ITGAE: variants seen among roughly 807,000 people sequenced by gnomAD.
The protein encoded by ITGAE is integrin alpha-E.
Under a neutral mutation model 136.5 loss-of-function variants are expected in ITGAE, and 99 were observed. The ratio of observed to expected loss-of-function variants is 0.73; its 90% CI spans 0.62 to 0.86. The LOEUF is 0.86. Among genes scored for constraint, ITGAE ranks in the 40% least tolerant of loss-of-function variants. The pLI, the probability that ITGAE is intolerant of heterozygous loss-of-function variation, is 0.00. For missense variants in ITGAE, 1,447 were observed against 1,515.3 expected (o/e 0.95, Z 0.75); for synonymous variants, 613 against 591.8 (o/e 1.04, Z -0.52).
At chr17:3,789,848 G>A (rs931417188) in intron 1 of ITGAE, among the ~76,000 whole-genome samples, 5 of 152,160 alleles carry the variant, frequency 3.3e-5, no homozygotes, top group Non-Finnish European at 7.3e-5. Context: ...AAAATGGCAT[G>A]AAAAACGTCT....
At chr17:3,734,977 C>T (rs2051429697) in intron 20 of ITGAE, 28 bp from the exon 21 acceptor site, 1 of 1,613,072 alleles carries the variant, frequency 6.2e-7, no homozygotes, top group Non-Finnish European at 8.5e-7. Flanking sequence ...AAAAATGTTA[C>T]AGTTTATTTC....
intron 1 of ITGAE, among the ~76,000 whole-genome samples, chr17:3,792,901 G>C (rs2143486497): frequency 6.6e-6 from 1 of 152,282 alleles, no homozygotes; most frequent in Non-Finnish European, 1.5e-5. Flanking sequence ...AGGGTCCTTT[G>C]TGAGAACACA....
intron 2 of ITGAE, among the ~76,000 whole-genome samples, chr17:3,772,691 T>C (rs28478385): frequency 0.1 from 15,364 of 152,096 alleles, 2,521 homozygotes; most frequent in African/African-American, 0.35. Flanking sequence ...CTCAAACTCC[T>C]GACCTCAAAT....
At position 3,760,283 on chromosome 17, in the gene ITGAE, G is replaced by A. The variant is rs200296046; in HGVS notation, c.603C>T (p.Thr201=). The change falls in exon 7 of 31, where the codon ACC becomes ACT. Residue 201 remains threonine (T), a synonymous_variant. Transcript: ENST00000263087. ...AGCCATCCAGGATGATGGCAATCTC[G>A]GTGCCTGGCCAAGACAAACAGGTCA... The part of the protein sequence containing the change: ...EEDEEEEEAG[T]EIAIILDGSG... The A allele has an allele frequency of 1.7e-5, 28 of 1,608,536 alleles. No homozygotes were observed. Among genetic ancestry groups the A allele is most frequent in the Admixed American group, 6.7e-5 (4 of 59,894 alleles).
At chr17:3,771,851 C>T (rs2052431804) in intron 2 of ITGAE, among the ~76,000 whole-genome samples, 1 of 152,142 alleles carries the variant, frequency 6.6e-6, no homozygotes. Flanking sequence ...GTGCATTCTT[C>T]TGTATGGCAC....
chr17:3,767,381 A>G (rs1043389609), intron 2 of ITGAE, among the ~76,000 whole-genome samples: 1 of 151,898 alleles, frequency 6.6e-6, no homozygotes, highest in Non-Finnish European at 1.5e-5. Context: ...TACAGGTGTG[A>G]GCCACCACAC....
chr17:3,732,451 T>C lies in ITGAE; in HGVS notation c.2671A>G (p.Ile891Val). 1 of 1,614,054 alleles carries C rather than the reference T, an allele frequency of 6.2e-7. No individual in the cohort carries two copies. The highest frequency in any genetic ancestry group is 2.2e-5 in the East Asian group (1 of 44,890). Residue 891 changes from isoleucine (I) to valine (V), a missense_variant, in exon 22 of 31, where the codon ATT (isoleucine) becomes GTT (valine). Physicochemically the swap from Ile to Val is conservative, Grantham distance 29. Around this residue, in one of 3 missense-constraint regions of ITGAE, gnomAD observed 1,031 missense variants for 1,011.4 expected, o/e 1.02. Transcript: ENST00000263087. ...KRMQKPPSPN[I>V]QCDDPQPVAS... is the part of the protein sequence containing the mutation. ...ACCGGCTGAGGGTCATCACACTGAATGTTTGGAGAGGGAGGCTGTTAAAAG... is the reference window on the plus strand; with the variant it reads ...ACCGGCTGAGGGTCATCACACTGAACGTTTGGAGAGGGAGGCTGTTAAAAG...
intron 26 of ITGAE, chr17:3,724,031 G>C: frequency 6.3e-7 from 1 of 1,591,926 alleles, no homozygotes; most frequent in Non-Finnish European, 8.5e-7. Flanking sequence ...GGGAAGCCGC[G>C]CAGTGGTTCC....
chr17:3,760,426 G>T, intron 6 of ITGAE, 139 bp from the exon 7 acceptor site: 1 of 189,122 alleles, frequency 5.3e-6, no homozygotes, highest in Non-Finnish European at 1.1e-5. Flanking sequence ...TCCCAAGAGG[G>T]AAGCTTTTTT....
chr17:3,747,442 C>A lies in ITGAE; in HGVS notation c.2155+480G>T, dbSNP rs190144982. On this transcript the variant is annotated intron_variant, in intron 17 of 30. Coordinates refer to ENST00000263087, the MANE Select transcript of ITGAE (RefSeq NM_002208.5). ...ATGCTATTCTCCTGCCTCAGCCTCC[C>A]GAGTAGCTGGGATTACAGGCACCTG... is the stretch of plus-strand genomic sequence containing the variant. 1.2e-3 allele frequency among the ~76,000 whole-genome samples: 185 copies of A among 152,216 alleles called. No individual in the cohort carries two copies. In the Middle Eastern group the frequency reaches 0.044, roughly 36 times the overall value.
chr17:3,735,693 G>A (rs1018051183), intron 20 of ITGAE, among the ~76,000 whole-genome samples: 2 of 152,226 alleles, frequency 1.3e-5, no homozygotes, highest in African/African-American at 4.8e-5. Flanking sequence ...CTCAACATAA[G>A]CAAACAGCTG....
intron 1 of ITGAE, among the ~76,000 whole-genome samples, chr17:3,778,547 A>G (rs1424679123): frequency 6.6e-6 from 1 of 151,238 alleles, no homozygotes; most frequent in African/African-American, 2.5e-5. Context: ...TGAGCAACAG[A>G]GCAAGACTCC....
chr17:3,778,763 T>C (rs961192548), intron 1 of ITGAE, among the ~76,000 whole-genome samples: 2 of 152,228 alleles, frequency 1.3e-5, no homozygotes, highest in African/African-American at 2.4e-5. Context: ...AAATCATTGG[T>C]ACTGGACTAA....
At chr17:3,719,235 CAAAAAAAAAAAA>C (rs746282209) in intron 29 of ITGAE, among the ~76,000 whole-genome samples, 2 of 66,246 alleles carry the variant, frequency 3.0e-5, no homozygotes, top group African/African-American at 5.8e-5. Flanking sequence ...GATTCTTCCT[CAAAAAAAAAAAA>C]AAAAAAAAAG....
chr17:3,733,275 G>GCACCCATCCAAAAACTACACTAT (rs2051388974), intron 21 of ITGAE, among the ~76,000 whole-genome samples: 1 of 152,008 alleles, frequency 6.6e-6, no homozygotes, highest in Admixed American at 6.6e-5. Flanking sequence ...GTGAGCCACG[G>GCACCCATCCAAAAACTACACTAT]TGCCCGGCCT....
intron 2 of ITGAE, among the ~76,000 whole-genome samples, chr17:3,767,743 C>A (rs547458257): frequency 2.6e-5 from 4 of 152,206 alleles, no homozygotes; most frequent in South Asian, 2.1e-4. Flanking sequence ...CTACCTCAGC[C>A]TCACAAGTTG....
At chr17:3,766,546 C>A (rs1401427073) in intron 2 of ITGAE, among the ~76,000 whole-genome samples, 2 of 152,210 alleles carry the variant, frequency 1.3e-5, no homozygotes, top group Admixed American at 6.6e-5. Flanking sequence ...TCACACCTGT[C>A]ATCCCAGCAC....
chr17:3,715,157 C>A (rs550512102), intron 30 of ITGAE, among the ~76,000 whole-genome samples: 1 of 152,358 alleles, frequency 6.6e-6, no homozygotes, highest in South Asian at 2.1e-4. Context: ...CTCCACCTTC[C>A]TCTGAACCCT....
intron 2 of ITGAE, among the ~76,000 whole-genome samples, chr17:3,765,924 C>T (rs1023061584): frequency 6.6e-6 from 1 of 152,204 alleles, no homozygotes; most frequent in Non-Finnish European, 1.5e-5. Context: ...CATCTGCTAT[C>T]GTAGGCAGAA....
Sources: allele counts gnomAD v4.1 joint callset (sites outside exome capture counted in the v4.1 genomes callset), GRCh38; gene constraint gnomAD v4.1.1; regional missense constraint gnomAD v4.1.1; transcripts MANE v1.5; gene names NCBI Gene and HGNC (gene_info 2026-07-23, HGNC 2026-07-21).